The following PDE1C variants were observed in gnomAD, a reference collection of about 807,000 sequenced individuals.
PDE1C encodes dual specificity calcium/calmodulin-dependent 3',5'-cyclic nucleotide phosphodiesterase 1C.
PDE1C carries 62 observed loss-of-function variants against 93.1 expected under a neutral mutation model. That is an observed-to-expected ratio of 0.67 (90% confidence interval 0.54 to 0.82). The LOEUF is 0.82. PDE1C is among the 40% of genes least tolerant of loss of function. PDE1C has a pLI of 0.00. For synonymous variants in PDE1C, 325 were observed against 310.1 expected, an observed-to-expected ratio of 1.05 and a Z score of -0.50; for missense variants, 742 against 884.6, an observed-to-expected ratio of 0.84 and a Z score of 2.04.
chr7:31,629,110 T>C, the PDE1C span, among the ~76,000 whole-genome samples: 2 of 152,210 alleles, frequency 1.3e-5, no homozygotes, highest in African/African-American at 4.8e-5. Flanking sequence ...TCTATCCTTC[T>C]ATTTCTGTAA....
intron 1 of PDE1C, among the ~76,000 whole-genome samples, chr7:32,242,975 T>C (rs1249775723): frequency 1.3e-5 from 2 of 152,118 alleles, no homozygotes; most frequent in African/African-American, 4.8e-5. Context: ...ACAGTCAGAT[T>C]CAAGGATACA....
intron 2 of PDE1C, among the ~76,000 whole-genome samples, chr7:32,036,453 T>G (rs979917874): frequency 6.6e-6 from 1 of 151,896 alleles, no homozygotes; most frequent in Admixed American, 6.6e-5. Context: ...CCAAAGTAAG[T>G]AGAAGAAAGG....
chr7:32,021,080 G>C (rs1788603927), intron 2 of PDE1C, among the ~76,000 whole-genome samples: 1 of 152,072 alleles, frequency 6.6e-6, no homozygotes, highest in South Asian at 2.1e-4. Flanking sequence ...TTTCTAATTT[G>C]AGTGTGATCC....
chr7:32,310,928 C>T (rs1470129800), intron 1 of PDE1C, among the ~76,000 whole-genome samples: 3 of 152,036 alleles, frequency 2.0e-5, no homozygotes, highest in Non-Finnish European at 2.9e-5. Context: ...GAAATAGAGA[C>T]ACAAAAAACC....
At chr7:32,200,916 T>C (rs891692791) in intron 2 of PDE1C, among the ~76,000 whole-genome samples, 24 of 152,234 alleles carry the variant, frequency 1.6e-4, no homozygotes, top group Non-Finnish European at 2.9e-4. Context: ...CCATATGTTT[T>C]AAGAGTCCGA....
chr7:31,898,898 AG>A (rs1425643776), intron 2 of PDE1C, among the ~76,000 whole-genome samples: 1 of 152,190 alleles, frequency 6.6e-6, no homozygotes, highest in African/African-American at 2.4e-5. Flanking sequence ...GCAGAAATAA[AG>A]GGCTTGAGAT....
chr7:32,178,171 T>A (rs1336130958), intron 2 of PDE1C, among the ~76,000 whole-genome samples: 1 of 152,164 alleles, frequency 6.6e-6, no homozygotes, highest in East Asian at 1.9e-4. Context: ...ATACAGGGTA[T>A]CCACACAGCT....
intron 1 of PDE1C, among the ~76,000 whole-genome samples, chr7:32,341,993 G>GCTAA (rs1384082173): frequency 2.0e-5 from 3 of 152,092 alleles, no homozygotes; most frequent in Non-Finnish European, 4.4e-5. Context: ...ATTTAGCATA[G>GCTAA]TTAGTATCTA....
At chr7:32,071,017 G>A (rs1368800048), upstream of PDE1C, 10 of 985,266 alleles carry the variant, frequency 1.0e-5, no homozygotes, top group Admixed American at 6.2e-5. Context: ...TGACAAGTGA[G>A]AAAAGTCGTC....
chr7:31,877,552 G>A (rs1796743130), intron 5 of PDE1C, among the ~76,000 whole-genome samples: 1 of 151,426 alleles, frequency 6.6e-6, no homozygotes, highest in Admixed American at 6.6e-5. Flanking sequence ...TTTAAATCTT[G>A]CTGAGTCTCG....
chr7:31,931,774 T>C (rs1463916403), intron 2 of PDE1C, among the ~76,000 whole-genome samples: 1 of 152,192 alleles, frequency 6.6e-6, no homozygotes, highest in Middle Eastern at 3.2e-3. Context: ...AGAGCCCATA[T>C]AGCCAAGACA....
intron 1 of PDE1C, among the ~76,000 whole-genome samples, chr7:32,059,379 A>C (rs1450988202): frequency 6.6e-6 from 1 of 152,144 alleles, no homozygotes; most frequent in African/African-American, 2.4e-5. Context: ...AACCTAGGAG[A>C]AGGTAACAAA....
At chr7:31,854,385 A>T (rs1012184857) in intron 7 of PDE1C, among the ~76,000 whole-genome samples, 3 of 152,230 alleles carry the variant, frequency 2.0e-5, no homozygotes, top group African/African-American at 7.2e-5. Flanking sequence ...CAGAAATTAA[A>T]GTCCCACTGG....
At chr7:31,955,467 T>C (rs1807998830) in intron 2 of PDE1C, among the ~76,000 whole-genome samples, 1 of 152,290 alleles carries the variant, frequency 6.6e-6, no homozygotes, top group Admixed American at 6.5e-5. Flanking sequence ...TATGAGCTAA[T>C]CTTATAAAGA....
At chr7:32,017,780 A>G (rs1223437231) in intron 2 of PDE1C, among the ~76,000 whole-genome samples, 1 of 152,108 alleles carries the variant, frequency 6.6e-6, no homozygotes, top group African/African-American at 2.4e-5. Flanking sequence ...AGGAAATACA[A>G]ATCAAAACCA....
At chr7:31,643,027 GT>G in the PDE1C span, 6 of 1,613,984 alleles carry the variant, frequency 3.7e-6, no homozygotes, top group Non-Finnish European at 5.1e-6. Flanking sequence ...TGAGTATGAG[GT>G]CACCAGACCC....
chr7:32,225,932 C>A (rs1184238128), intron 1 of PDE1C, among the ~76,000 whole-genome samples: 1 of 152,088 alleles, frequency 6.6e-6, no homozygotes, highest in East Asian at 1.9e-4. Flanking sequence ...GTGGCACGTG[C>A]TTGTAGTCCC....
chr7:32,204,568 G>A (rs1168580442), intron 2 of PDE1C, among the ~76,000 whole-genome samples: 1 of 152,228 alleles, frequency 6.6e-6, no homozygotes, highest in African/African-American at 2.4e-5. Context: ...GGAGAGGGAT[G>A]CCACCAAAAT....
chr7:31,638,816 G>T, the PDE1C span, among the ~76,000 whole-genome samples: 1 of 151,862 alleles, frequency 6.6e-6, no homozygotes, highest in Non-Finnish European at 1.5e-5. Context: ...TTGCTCTGTC[G>T]CCCAGGCTGG....
Sources: allele counts gnomAD v4.1 joint callset (sites outside exome capture counted in the v4.1 genomes callset), GRCh38; gene constraint gnomAD v4.1.1; transcripts MANE v1.5; gene names NCBI Gene and HGNC (gene_info 2026-07-23, HGNC 2026-07-21).